Variants in FBXO25 observed in about 807,000 individuals in gnomAD.
The protein encoded by FBXO25 is F-box protein 25, also known as F-box only protein 25.
FBXO25 carries 45 observed loss-of-function variants against 51.9 expected under a neutral mutation model. The ratio of observed to expected loss-of-function variants is 0.87; its 90% CI spans 0.68 to 1.11. The LOEUF (loss-of-function observed/expected upper bound fraction) is 1.11, where lower values mean the gene tolerates loss of function less well. Ranked by LOEUF, FBXO25 falls within the 50% of genes most tolerant of loss-of-function variation. The probability of loss-of-function intolerance (pLI) is 0.00; values close to 1 mark genes in which losing one functional copy is unlikely to be tolerated. For missense variants in FBXO25, 507 were observed against 428.5 expected (o/e 1.18, Z -1.62); for synonymous variants, 199 against 151.0 (o/e 1.32, Z -2.33).
chr8:421,663 T>C (rs1797165518), intron 2 of FBXO25, among the ~76,000 whole-genome samples: 1 of 152,154 alleles, frequency 6.6e-6, no homozygotes, highest in Non-Finnish European at 1.5e-5. Flanking sequence ...AACACATCTG[T>C]TTTCTAAGTC....
chr8:465,860 ATTT>A, intron 9 of FBXO25, among the ~76,000 whole-genome samples: 1 of 152,250 alleles, frequency 6.6e-6, no homozygotes, highest in African/African-American at 2.4e-5. Flanking sequence ...GTAATTTCTG[ATTT>A]TTTTAAATTG....
chr8:454,379 C>T (rs1415645887), intron 7 of FBXO25, among the ~76,000 whole-genome samples: 1 of 152,210 alleles, frequency 6.6e-6, no homozygotes, highest in Non-Finnish European at 1.5e-5. Context: ...TGCTTCCTCA[C>T]CCCGTCAGCA....
chr8:455,351 G>A (rs73669388), intron 7 of FBXO25, among the ~76,000 whole-genome samples: 6,010 of 152,290 alleles, frequency 0.039, 332 homozygotes, highest in African/African-American at 0.13. Context: ...AGTGAAATGG[G>A]AAGAATGAAC....
In FBXO25 at chr8:477,188, T is replaced by G. The variant is rs1306448826; in HGVS notation, c.*8384T>G. On this transcript the variant is annotated 3_prime_UTR_variant, in exon 10 of 10. Coordinates refer to ENST00000350302, the MANE Select transcript of FBXO25 (RefSeq NM_183420.2). ...GTCTTTTGAAATTTGTTGACTTGTT[T>G]AGTCATCTAACATACTGTCTATCCT... 1 of 152,228 alleles carries G rather than the reference T, an allele frequency of 6.6e-6. No individual in the cohort carries two copies. The highest frequency in any genetic ancestry group is 1.5e-5 in the Non-Finnish European group (1 of 68,036). 9.4% of individuals were successfully genotyped at this position (152,228 alleles called of 1,614,324 possible). A position where few individuals can be genotyped will look rare whatever the true frequency, so the allele number is the denominator to read the frequency against.
At chr8:435,410 A>G (rs999087213) in intron 4 of FBXO25, 3 of 569,566 alleles carry the variant, frequency 5.3e-6, no homozygotes, top group Non-Finnish European at 9.2e-6. Context: ...ATGTCAGTTA[A>G]CGGTGTCTCA....
At chr8:425,999 C>A (rs1797452274) in intron 2 of FBXO25, among the ~76,000 whole-genome samples, 2 of 152,004 alleles carry the variant, frequency 1.3e-5, no homozygotes, top group South Asian at 4.2e-4. Flanking sequence ...TGATGGACAC[C>A]CCAGTCCCAG....
intron 5 of FBXO25, among the ~76,000 whole-genome samples, chr8:436,342 A>C (rs1204003743): frequency 6.6e-6 from 1 of 152,142 alleles, no homozygotes; most frequent in Non-Finnish European, 1.5e-5. Context: ...TAGTTTATGA[A>C]GCTATTAATT....
chr8:452,279 G>A (rs1399806928), intron 7 of FBXO25, among the ~76,000 whole-genome samples: 1 of 152,182 alleles, frequency 6.6e-6, no homozygotes, highest in Non-Finnish European at 1.5e-5. Flanking sequence ...CCTTAATAAT[G>A]TAACATTCAG....
chr8:407,416 T>G (rs1471093740), intron 1 of FBXO25: 3 of 983,216 alleles, frequency 3.1e-6, no homozygotes, highest in Non-Finnish European at 3.6e-6. Context: ...GCGCGTCAGG[T>G]GGGGTCTGGG....
chr8:477,931 CTATT>C lies in FBXO25; in HGVS notation c.*9129_*9132del, dbSNP rs1800691181. The stretch of plus-strand genomic sequence containing the variant: ...GCCAACCTGATTTATACTTTTGTAT[CTATT>C]TGACATTTTCCATTAAAAGTTATAT... On this transcript the variant is annotated 3_prime_UTR_variant, in exon 10 of 10. Transcript: ENST00000350302. 2 of 152,110 alleles carry C rather than the reference CTATT, an allele frequency of 1.3e-5. No homozygotes were observed. The highest frequency in any genetic ancestry group is 4.8e-5 in the African/African-American group (2 of 41,434). 9.4% of individuals were successfully genotyped at this position (152,110 alleles called of 1,614,324 possible).
Position 469,145 on chromosome 8 carries a change from C to G in FBXO25, c.*341C>G, listed in dbSNP as rs1413400560. 1 of 215,434 alleles carries G rather than the reference C, an allele frequency of 4.6e-6. No homozygotes were observed. Among genetic ancestry groups the G allele is most frequent in the African/African-American group, 2.3e-5 (1 of 43,768 alleles). 13.3% of individuals were successfully genotyped at this position (215,434 alleles called of 1,614,324 possible). On this transcript the variant is annotated 3_prime_UTR_variant, in exon 10 of 10. Transcript: ENST00000350302. ...CGTGACACTAACGGCCAATAATATG[C>G]TTCTTAATTATCAAATTATAGTTTC...
intron 7 of FBXO25, among the ~76,000 whole-genome samples, chr8:451,897 G>C (rs1390672424): frequency 1.3e-5 from 2 of 152,202 alleles, no homozygotes; most frequent in South Asian, 4.1e-4. Flanking sequence ...AAGGCCAAAA[G>C]AAGGTGCAAA....
intron 8 of FBXO25, among the ~76,000 whole-genome samples, chr8:459,972 A>T (rs1385787167): frequency 6.6e-6 from 1 of 152,122 alleles, no homozygotes; most frequent in Non-Finnish European, 1.5e-5. Flanking sequence ...AAGCAAAAGA[A>T]TTCCAGTATT....
chr8:468,242 C>A (rs1208648565), intron 9 of FBXO25: 1 of 1,011,104 alleles, frequency 9.9e-7, no homozygotes, highest in African/African-American at 1.7e-5. Context: ...GGCCGTGTGT[C>A]CCCCTCTCCT....
At chr8:448,634 GC>G (rs1443206785) in intron 5 of FBXO25, among the ~76,000 whole-genome samples, 1 of 152,248 alleles carries the variant, frequency 6.6e-6, no homozygotes, top group Non-Finnish European at 1.5e-5. Flanking sequence ...AATCTCTGCA[GC>G]ATCAGCTGTG....
chr8:420,547 G>A (rs1797084871), intron 2 of FBXO25: 1 of 152,138 alleles, frequency 6.6e-6, no homozygotes, highest in African/African-American at 2.4e-5. Context: ...CCTTCAACTG[G>A]TGAATGAATA....
At chr8:456,517 G>C (rs937332556) in intron 7 of FBXO25, among the ~76,000 whole-genome samples, 11 of 152,234 alleles carry the variant, frequency 7.2e-5, no homozygotes, top group Non-Finnish European at 1.0e-4. Context: ...TGCTGGGGAA[G>C]TGATGTCTCT....
At chr8:466,276 G>T (rs969017075) in intron 9 of FBXO25, among the ~76,000 whole-genome samples, 1 of 152,234 alleles carries the variant, frequency 6.6e-6, no homozygotes, top group Non-Finnish European at 1.5e-5. Flanking sequence ...GGCCTGGTGG[G>T]CCAAACCCAG....
chr8:468,072 C>T (rs1248838416), intron 9 of FBXO25: 2 of 1,132,846 alleles, frequency 1.8e-6, no homozygotes, highest in African/African-American at 3.2e-5. Flanking sequence ...ACCCCAGAGC[C>T]TCTGGTCCCG....
Sources: gnomAD v4.1 joint callset for allele counts (sites outside exome capture counted in the v4.1 genomes callset) on GRCh38, gnomAD v4.1.1 for gene constraint, MANE v1.5 for transcripts, NCBI Gene and HGNC (gene_info 2026-07-23, HGNC 2026-07-21) for gene names.